The following ANO3 variants were observed in gnomAD, a reference collection of about 807,000 sequenced individuals.
ANO3 encodes the protein anoctamin 3, also known as anoctamin-3.
Under a neutral mutation model 144.8 loss-of-function variants are expected in ANO3, and 99 were observed. The observed-to-expected ratio is 0.68, with a 90% confidence interval of 0.58 to 0.81. The LOEUF (loss-of-function observed/expected upper bound fraction) is 0.81, where lower values mean the gene tolerates loss of function less well. Ranked by LOEUF, ANO3 falls within the 30% of genes least tolerant of loss-of-function variation. The pLI is 0.00. For missense variants in ANO3, 905 were observed against 1,202.2 expected (o/e 0.75, Z 3.66); for synonymous variants, 414 against 392.6 (o/e 1.05, Z -0.64).
chr11:26,533,706 G>A (rs1295746060), intron 8 of ANO3, among the ~76,000 whole-genome samples: 1 of 152,180 alleles, frequency 6.6e-6, no homozygotes, highest in Admixed American at 6.5e-5. Flanking sequence ...AAAAGCTGGA[G>A]AGAGACAGTT....
chr11:26,616,174 A>G (rs1852255955), intron 17 of ANO3, among the ~76,000 whole-genome samples: 1 of 152,182 alleles, frequency 6.6e-6, no homozygotes, highest in Admixed American at 6.5e-5. Flanking sequence ...TGATATTATA[A>G]AAAGTAGTGA....
chr11:26,556,457 C>T (rs992906003), intron 13 of ANO3, among the ~76,000 whole-genome samples: 1 of 150,160 alleles, frequency 6.7e-6, no homozygotes, highest in Non-Finnish European at 1.5e-5. Flanking sequence ...TTTCAAGAAA[C>T]TTCATGAAAA....
chr11:26,567,023 T>A, intron 14 of ANO3: 1 of 1,455,460 alleles, frequency 6.9e-7, no homozygotes, highest in Non-Finnish European at 9.1e-7. Context: ...GGTTACAAAG[T>A]TTACAGTATC....
At chr11:26,241,694 T>C (rs1372657462) in intron 1 of ANO3, among the ~76,000 whole-genome samples, 1 of 152,188 alleles carries the variant, frequency 6.6e-6, no homozygotes, top group Non-Finnish European at 1.5e-5. Flanking sequence ...TCTAATATAA[T>C]AATTTTAAAG....
chr11:26,553,173 T>C lies in ANO3; in HGVS notation c.1290-76T>C, dbSNP rs1231357479. Reference sequence around the variant, plus strand: ...CCTTGCTGGTTCCAACAGGATTTGCTGTAGGGGCTAAGTGAATTCTTAGTC... The same window carrying C: ...CCTTGCTGGTTCCAACAGGATTTGCCGTAGGGGCTAAGTGAATTCTTAGTC... On this transcript the variant is annotated intron_variant, in intron 12 of 26. Transcript: ENST00000256737. 3.8e-6 allele frequency: 4 copies of C among 1,057,400 alleles called. No individual in the cohort carries two copies. The Admixed American group carries it at 5.4e-5, about 14-fold the overall frequency. 65.5% of individuals were successfully genotyped at this position (1,057,400 alleles called of 1,614,324 possible).
chr11:26,614,930 G>A (rs532285287), intron 17 of ANO3, among the ~76,000 whole-genome samples: 2 of 152,046 alleles, frequency 1.3e-5, no homozygotes, highest in South Asian at 2.1e-4. Flanking sequence ...GTTCCTTTTT[G>A]TTGGGGAGGG....
Position 26,282,749 on chromosome 11 carries a change from T to C in ANO3, c.155-26896T>C, listed in dbSNP as rs537351015. Among the ~76,000 whole-genome samples, 4 of 152,158 alleles carry C rather than the reference T, an allele frequency of 2.6e-5. No individual in the cohort carries two copies. In the East Asian group the frequency reaches 7.7e-4, roughly 29 times the overall value. On this transcript the variant is annotated intron_variant, in intron 1 of 27. Coordinates refer to the ANO3 transcript ENST00000672621. Reference sequence around the variant, plus strand: ...AGCATCAGGGAAGATTCAGGTTTCATGAAGCCTCAGTAGTCTTAAATTTGG... The same window carrying C: ...AGCATCAGGGAAGATTCAGGTTTCACGAAGCCTCAGTAGTCTTAAATTTGG...
At chr11:26,606,318 G>T (rs1024431585) in intron 17 of ANO3, among the ~76,000 whole-genome samples, 1 of 152,152 alleles carries the variant, frequency 6.6e-6, no homozygotes, top group African/African-American at 2.4e-5. Flanking sequence ...CCATTCTTTT[G>T]CATTTGCTGA....
At chr11:26,565,710 T>C (rs1565110730) in intron 14 of ANO3, 2 of 1,612,986 alleles carry the variant, frequency 1.2e-6, no homozygotes, top group East Asian at 2.2e-5. Context: ...TGCTTCACTT[T>C]CCAAAGAAAT....
At chr11:26,455,191 C>A (rs61879977) in intron 3 of ANO3, among the ~76,000 whole-genome samples, 1 of 146,192 alleles carries the variant, frequency 6.8e-6, no homozygotes, top group East Asian at 2.0e-4. Context: ...TCTCACCACT[C>A]CTATTCAACA....
At chr11:26,450,859 T>C (rs1292305308) in intron 3 of ANO3, among the ~76,000 whole-genome samples, 1 of 152,132 alleles carries the variant, frequency 6.6e-6, no homozygotes. Context: ...AATGACATTA[T>C]AGTAAAGAAG....
chr11:26,208,502 G>C (rs958230605), intron 1 of ANO3, among the ~76,000 whole-genome samples: 63 of 134,036 alleles, frequency 4.7e-4, no homozygotes, highest in African/African-American at 1.8e-3. Flanking sequence ...GACAGAGCAA[G>C]ACTCCGTCTC....
chr11:26,255,442 C>A (rs1251498654), intron 1 of ANO3, among the ~76,000 whole-genome samples: 1 of 152,132 alleles, frequency 6.6e-6, no homozygotes, highest in Non-Finnish European at 1.5e-5. Context: ...ACATTGATGG[C>A]AGATAGTAAT....
chr11:26,455,474 T>G (rs1012411011), intron 3 of ANO3, among the ~76,000 whole-genome samples: 1 of 152,152 alleles, frequency 6.6e-6, no homozygotes, highest in Non-Finnish European at 1.5e-5. Context: ...CATTCACAAT[T>G]GCTTCAAAGA....
chr11:26,536,096 G>C (rs901458723), intron 9 of ANO3, among the ~76,000 whole-genome samples: 1 of 146,582 alleles, frequency 6.8e-6, no homozygotes. Context: ...AAGGTGGCTC[G>C]ATCACCTGAG....
chr11:26,355,749 G>A (rs1855765954), intron 1 of ANO3, among the ~76,000 whole-genome samples: 1 of 151,830 alleles, frequency 6.6e-6, no homozygotes. Flanking sequence ...TAGTAGAGAC[G>A]GGGTTTCACC....
chr11:26,542,132 G>A, intron 11 of ANO3, 64 bp downstream of exon 11: 1 of 1,537,824 alleles, frequency 6.5e-7, no homozygotes. Context: ...TCTTAGACTT[G>A]GAATTATTTA....
intron 11 of ANO3, among the ~76,000 whole-genome samples, chr11:26,542,276 G>T (rs1433729620): frequency 6.6e-6 from 1 of 152,114 alleles, no homozygotes; most frequent in Non-Finnish European, 1.5e-5. Flanking sequence ...TTTGCAAGGT[G>T]TCTAAGGGAT....
chr11:26,523,030 C>A (rs1862146770), intron 6 of ANO3, among the ~76,000 whole-genome samples: 1 of 152,156 alleles, frequency 6.6e-6, no homozygotes, highest in South Asian at 2.1e-4. Flanking sequence ...CACAATTCTG[C>A]ATGGCTGGAA....
Sources: allele counts gnomAD v4.1 joint callset (sites outside exome capture counted in the v4.1 genomes callset), GRCh38; gene constraint gnomAD v4.1.1; transcripts MANE v1.5; gene names NCBI Gene and HGNC (gene_info 2026-07-23, HGNC 2026-07-21).